The following SLC12A7 variants were observed in gnomAD, a reference collection of about 807,000 sequenced individuals.
SLC12A7 encodes the protein K-Cl cotransporter 4.
A neutral mutation model predicts 120.6 loss-of-function variants in SLC12A7; 100 were observed. The observed-to-expected ratio is 0.83, with a 90% CI of 0.71 to 0.98. The LOEUF (loss-of-function observed/expected upper bound fraction) is 0.98, where lower values mean the gene tolerates loss of function less well. Among genes scored for constraint, SLC12A7 ranks in the 50% least tolerant of loss-of-function variants. The probability of loss-of-function intolerance (pLI) is 0.00; values close to 1 mark genes in which losing one functional copy is unlikely to be tolerated. For synonymous variants in SLC12A7, 760 were observed against 678.0 expected (o/e 1.12, Z -1.88); for missense variants, 1,373 against 1,548.1 (o/e 0.89, Z 1.90).
Position 1,077,772 on chromosome 5 carries a change from G to A in SLC12A7, c.1629+61C>T, listed in dbSNP as rs1361412858. The A allele has an allele frequency of 4.8e-6, 7 of 1,470,370 alleles. No homozygotes were observed. The African/African-American group carries it at 8.5e-5, about 18-fold the overall frequency. 91.1% of individuals were successfully genotyped at this position (1,470,370 alleles called of 1,614,324 possible). On this transcript the variant is annotated intron_variant, in intron 12 of 23. Coordinates refer to ENST00000264930, the MANE Select transcript of SLC12A7 (RefSeq NM_006598.3). Reference sequence around the variant, plus strand: ...CACACGGCACTGTGAGGATCCCGCAGGGGAGGAGAGCCCCCGACCCTGACC... The same window carrying A: ...CACACGGCACTGTGAGGATCCCGCAAGGGAGGAGAGCCCCCGACCCTGACC...
intron 22 of SLC12A7, among the ~76,000 whole-genome samples, chr5:1,053,942 G>T (rs1049505263): frequency 6.6e-6 from 1 of 152,220 alleles, no homozygotes; most frequent in Non-Finnish European, 1.5e-5. Flanking sequence ...GACCCGTCAG[G>T]CTGGGCACAC....
the SLC12A7 span, among the ~76,000 whole-genome samples, chr5:1,155,685 G>T: frequency 4.6e-5 from 7 of 151,124 alleles, no homozygotes; most frequent in Non-Finnish European, 1.0e-4. Context: ...GTAGCGGCCG[G>T]GCTCGCGGCA....
intron 6 of SLC12A7, 77 bp downstream of exon 6, chr5:1,086,822 CCACA>C (rs1284871231): frequency 7.1e-6 from 11 of 1,555,380 alleles, no homozygotes; most frequent in Non-Finnish European, 9.6e-6. Flanking sequence ...GCTGTGTGTG[CCACA>C]GAGTGGGTCA....
In SLC12A7 at chr5:1,073,759, G is replaced by T. The variant is rs373840916; in HGVS notation, c.2115C>A (p.Ala705=). The part of the protein sequence containing the change: ...LVMLNLDAEQ[A]VKHPRLLSFT... ...AGGACAGCAGGCGGGGGTGCTTCACGGCCTGCTCCGCGTCCAGGTTCAGCA... is the reference window on the plus strand; with the variant it reads ...AGGACAGCAGGCGGGGGTGCTTCACTGCCTGCTCCGCGTCCAGGTTCAGCA... The change falls in exon 17 of 24, where the codon GCC becomes GCA. Residue 705 remains alanine (A), a synonymous_variant. Coordinates refer to ENST00000264930, the MANE Select transcript of SLC12A7 (RefSeq NM_006598.3). 9 of 1,523,152 alleles carry T rather than the reference G, an allele frequency of 5.9e-6. No individual in the cohort carries two copies. The highest frequency in any genetic ancestry group is 8.0e-6 in the Non-Finnish European group (9 of 1,130,642). 94.4% of individuals were successfully genotyped at this position (1,523,152 alleles called of 1,614,324 possible).
Position 1,050,709 on chromosome 5 carries a change from C to A in SLC12A7, c.*1651G>T. On this transcript the variant is annotated 3_prime_UTR_variant, in exon 24 of 24. Transcript: ENST00000264930. ...GTGCAGGGGACACAGGACCTGCCGG[C>A]CCCATCCAGACATGGAGGAGCGTTT... The A allele has an allele frequency of 2.5e-6, 1 of 395,984 alleles. No individual in the cohort carries two copies. The highest frequency in any genetic ancestry group is 4.4e-6 in the Non-Finnish European group (1 of 224,930). The allele number at this position is 395,984 out of a possible 1,614,324, so 24.5% of individuals were successfully genotyped here. A position where few individuals can be genotyped will look rare whatever the true frequency, so the allele number is the denominator to read the frequency against.
At chr5:1,117,318 GGT>G in the SLC12A7 span, among the ~76,000 whole-genome samples, 1 of 152,152 alleles carries the variant, frequency 6.6e-6, no homozygotes, top group Non-Finnish European at 1.5e-5. This position sits in a 1 kb window ranked among gnomAD's most constrained non-coding sequence, Gnocchi z 4.5. Context: ...TATCACCGTT[GGT>G]GGAAGGGTTC....
Position 1,098,894 on chromosome 5 carries a change from C to T in SLC12A7, c.125-4646G>A, listed in dbSNP as rs533052066. 9.9e-5 allele frequency among the ~76,000 whole-genome samples: 15 copies of T among 151,880 alleles called. No individual in the cohort carries two copies. In the East Asian group the frequency reaches 1.4e-3, roughly 14 times the overall value. On this transcript the variant is annotated intron_variant, in intron 1 of 23. Transcript: ENST00000264930. Reference sequence around the variant, plus strand: ...GAAGGGCAGTGAGTTTTCCTCTGGCCGAGCCCTGCCTGTGTTTTGGGGATA... The same window carrying T: ...GAAGGGCAGTGAGTTTTCCTCTGGCTGAGCCCTGCCTGTGTTTTGGGGATA...
chr5:1,122,485 G>T, the SLC12A7 span, among the ~76,000 whole-genome samples: 2 of 152,188 alleles, frequency 1.3e-5, no homozygotes, highest in African/African-American at 2.4e-5. Context: ...TTATTTAATT[G>T]TAGTAAAATA....
the SLC12A7 span, among the ~76,000 whole-genome samples, chr5:1,119,736 C>A: frequency 6.6e-6 from 1 of 152,252 alleles, no homozygotes; most frequent in African/African-American, 2.4e-5. Context: ...TGGAGGGCTG[C>A]ATGTCAGGGT....
chr5:1,123,694 C>G, the SLC12A7 span, among the ~76,000 whole-genome samples: 1 of 152,228 alleles, frequency 6.6e-6, no homozygotes, highest in Non-Finnish European at 1.5e-5. Flanking sequence ...ACACACGTCA[C>G]GTGTGTTGGC....
the SLC12A7 span, among the ~76,000 whole-genome samples, chr5:1,142,956 T>TGGGCCCC: frequency 1.8e-3 from 269 of 151,554 alleles, no homozygotes; most frequent in Non-Finnish European, 3.5e-3. Context: ...CACTGGGCCC[T>TGGGCCCC]GGGCCCCAGG....
Position 1,074,556 on chromosome 5 carries a change from G to A in SLC12A7, c.2072+11C>T. ...TGCGTCTGAGGACCACGGGGCATGG[G>A]CGGTGCTCACCTCCAGTTCTTGGTG... On this transcript the variant is annotated intron_variant, in intron 16 of 23. Coordinates refer to ENST00000264930, the MANE Select transcript of SLC12A7 (RefSeq NM_006598.3). The A allele has an allele frequency of 6.2e-7, 1 of 1,608,858 alleles. No homozygotes were observed. Among genetic ancestry groups the A allele is most frequent in the Non-Finnish European group, 8.5e-7 (1 of 1,176,932 alleles).
At chr5:1,053,584 A>G in intron 22 of SLC12A7, 102 bp from the exon 23 acceptor site, 1 of 1,443,002 alleles carries the variant, frequency 6.9e-7, no homozygotes, top group Non-Finnish European at 9.4e-7. Flanking sequence ...ACGTGTTGGA[A>G]AGGGCTGTGT....
intron 1 of SLC12A7, among the ~76,000 whole-genome samples, chr5:1,107,311 T>G (rs1742603976): frequency 1.3e-5 from 2 of 152,208 alleles, no homozygotes; most frequent in Non-Finnish European, 2.9e-5. Flanking sequence ...TCGCTTTCTG[T>G]GCTTTACAAA....
In SLC12A7 at chr5:1,089,553, G is replaced by A. The variant is rs371280181; in HGVS notation, c.343-425C>T. On this transcript the variant is annotated intron_variant, in intron 3 of 23. Transcript: ENST00000264930. ...AGCAGAGCCAGCGGAGGGATGAGAC[G>A]GCTGCTGCCCATAAAGCTAAAAAAA... Among the ~76,000 whole-genome samples, 13 of 148,770 alleles carry A rather than the reference G, an allele frequency of 8.7e-5. No individual in the cohort carries two copies. In the East Asian group the frequency reaches 2.6e-3, roughly 29 times the overall value.
intron 1 of SLC12A7, among the ~76,000 whole-genome samples, chr5:1,096,306 G>A (rs1405921302): frequency 6.6e-6 from 1 of 152,194 alleles, no homozygotes; most frequent in African/African-American, 2.4e-5. Context: ...ATGGCAGGAG[G>A]TTGGCATTTG....
intron 1 of SLC12A7, among the ~76,000 whole-genome samples, chr5:1,095,034 G>GGGGGCCGGTAGGAGGC (rs1189182771): frequency 2.0e-5 from 3 of 148,314 alleles, no homozygotes; most frequent in African/African-American, 7.4e-5. Flanking sequence ...GTAGGAGGCG[G>GGGGGCCGGTAGGAGGC]GGGGCCGGTA....
In SLC12A7 at chr5:1,074,448, C is replaced by T; in HGVS notation, c.2072+119G>A. The T allele has an allele frequency of 7.6e-6, 7 of 921,682 alleles. No individual in the cohort carries two copies. The South Asian group carries it at 1.1e-4, about 15-fold the overall frequency. The allele number at this position is 921,682 out of a possible 1,614,324, so 57.1% of individuals were successfully genotyped here. A position where few individuals can be genotyped will look rare whatever the true frequency, so the allele number is the denominator to read the frequency against. Reference sequence around the variant, plus strand: ...CACCAGGCAGTGTTCACACCCCAGACCTTGCCTGAGCGGCTGAAGGTGAGA... The same window carrying T: ...CACCAGGCAGTGTTCACACCCCAGATCTTGCCTGAGCGGCTGAAGGTGAGA... On this transcript the variant is annotated intron_variant, in intron 16 of 23. Coordinates refer to ENST00000264930, the MANE Select transcript of SLC12A7 (RefSeq NM_006598.3).
At chr5:1,084,482 C>A (rs75605463) in intron 7 of SLC12A7, among the ~76,000 whole-genome samples, 1 of 152,158 alleles carries the variant, frequency 6.6e-6, no homozygotes, top group African/African-American at 2.4e-5. Flanking sequence ...CACGTGCCAA[C>A]GGCCAAGAGC....
Sources: allele counts gnomAD v4.1 joint callset (sites outside exome capture counted in the v4.1 genomes callset), GRCh38; gene constraint gnomAD v4.1.1; non-coding constraint Gnocchi (gnomAD v3.1); transcripts MANE v1.5; gene names NCBI Gene and HGNC (gene_info 2026-07-23, HGNC 2026-07-21).